Variants in FNTB observed in about 807,000 individuals in gnomAD.
FNTB encodes farnesyltransferase, CAAX box, subunit beta, also known as protein farnesyltransferase subunit beta.
In FNTB, 27 loss-of-function variants were observed where a neutral mutation model predicts 59.4. That is an observed-to-expected ratio of 0.45 (90% CI 0.34 to 0.63). The LOEUF (loss-of-function observed/expected upper bound fraction) is 0.63, where lower values mean the gene tolerates loss of function less well. FNTB is among the 20% of genes least tolerant of loss of function. The pLI is 0.02. For synonymous variants in FNTB, 230 were observed against 220.7 expected (o/e 1.04, Z -0.37); for missense variants, 449 against 559.6 (o/e 0.80, Z 1.99).
rs370401848 is a variant in FNTB, at chr14:65,032,748, C to T, written c.692+52C>T. The T allele has an allele frequency of 2.6e-6, 4 of 1,552,782 alleles. No homozygotes were observed. The highest frequency in any genetic ancestry group is 2.8e-5 in the African/African-American group (2 of 72,362). On this transcript the variant is annotated intron_variant, in intron 7 of 11. Coordinates refer to ENST00000246166, the MANE Select transcript of FNTB (RefSeq NM_002028.4). This position sits in a 1 kb window ranked among gnomAD's most constrained non-coding sequence, Gnocchi z 5.0. The stretch of plus-strand genomic sequence containing the variant: ...CCTCTTGGAGAGCAGGCGGTCACGA[C>T]ACTACTTCAGAAAAATAAAGAAAAT...
chr14:65,004,303 C>A lies in FNTB; in HGVS notation c.199C>A (p.Leu67Ile). The change falls in exon 2 of 12, where the codon CTT (leucine) becomes ATT (isoleucine). Residue 67 changes from leucine (L) to isoleucine (I), a missense_variant. Around this residue, in one of 2 missense-constraint regions of FNTB, gnomAD observed 112 missense variants for 80.5 expected, o/e 1.39. Coordinates refer to ENST00000246166, the MANE Select transcript of FNTB (RefSeq NM_002028.4). ...EVFSSYKFNHLVPRLVLQREK... is the reference protein window; with the variant it reads ...EVFSSYKFNHIVPRLVLQREK... Reference sequence around the variant, plus strand: ...CTTCAGTTCTTACAAGTTCAACCACCTTGTACCAAGGTAAGCTGTGGTTAG... The same window carrying A: ...CTTCAGTTCTTACAAGTTCAACCACATTGTACCAAGGTAAGCTGTGGTTAG... 6.2e-7 allele frequency: 1 copy of A among 1,613,012 alleles called. No homozygotes were observed. The highest frequency in any genetic ancestry group is 8.5e-7 in the Non-Finnish European group (1 of 1,179,420).
rs137873231 is a variant in FNTB at position 65,054,468 on chromosome 14, TG to T, written c.1068-99del. ...ATGCCTCCTCTAGCCACATGGAGGA[TG>T]GGGGGGGACGTGTGATTGCACCAGT... On this transcript the variant is annotated intron_variant, in intron 10 of 11. Transcript: ENST00000246166. This position sits in a 1 kb window ranked among gnomAD's most constrained non-coding sequence, Gnocchi z 4.4. 0.057 allele frequency: 63,388 copies of T among 1,110,320 alleles called. 4,717 individuals carry two copies. The highest frequency in any genetic ancestry group is 0.34 in the African/African-American group (21,657 of 64,110). 68.8% of individuals were successfully genotyped at this position (1,110,320 alleles called of 1,614,324 possible).
At position 65,032,287 on chromosome 14, in the gene FNTB, A is replaced by C; in HGVS notation, c.606-323A>C. On this transcript the variant is annotated intron_variant, in intron 6 of 11. Transcript: ENST00000246166. The surrounding 1 kb of genome is among the most constrained non-coding windows in gnomAD (Gnocchi z 5.0). ...ATACCATAGATTTATGGCAACCATT[A>C]TAGGTCTTTGAAAGAAGAGCTGAAT... The C allele has an allele frequency of 4.5e-6, 1 of 221,514 alleles. No individual in the cohort carries two copies. The highest frequency in any genetic ancestry group is 8.8e-6 in the Non-Finnish European group (1 of 113,018). 13.7% of individuals were successfully genotyped at this position (221,514 alleles called of 1,614,324 possible). A position where few individuals can be genotyped will look rare whatever the true frequency, so the allele number is the denominator to read the frequency against.
At chr14:64,998,614 C>G (rs1249702205) in intron 1 of FNTB, among the ~76,000 whole-genome samples, 2 of 152,342 alleles carry the variant, frequency 1.3e-5, no homozygotes, top group Middle Eastern at 3.4e-3. Flanking sequence ...TGAGAACCCT[C>G]TCTTCATAGC....
chr14:64,987,155 C>A, intron 1 of FNTB, 58 bp downstream of exon 1: 4 of 1,598,330 alleles, frequency 2.5e-6, no homozygotes, highest in Non-Finnish European at 3.4e-6. Context: ...GCGCGAGTCC[C>A]GTTCGTAGGG....
rs2061549081 is a variant in FNTB at position 65,004,299 on chromosome 14, C to T, written c.195C>T (p.Asn65=). ...AGGTCTTCAGTTCTTACAAGTTCAA[C>T]CACCTTGTACCAAGGTAAGCTGTGG... ...IQEVFSSYKF[N]HLVPRLVLQR... is the part of the protein sequence containing the mutation. Residue 65 remains asparagine, a synonymous_variant, in exon 2 of 12, where the codon AAC becomes AAT. Transcript: ENST00000246166. 1 of 1,613,108 alleles carries T rather than the reference C, an allele frequency of 6.2e-7. No individual in the cohort carries two copies. Among genetic ancestry groups the T allele is most frequent in the Non-Finnish European group, 8.5e-7 (1 of 1,179,478 alleles).
At chr14:64,987,409 G>C (rs1358818835) in intron 1 of FNTB, 2 of 437,132 alleles carry the variant, frequency 4.6e-6, no homozygotes, top group South Asian at 2.4e-5. Flanking sequence ...CGTGCGGGTC[G>C]GACAGCCCAC....
chr14:65,041,284 AC>A (rs1223101014), intron 8 of FNTB, among the ~76,000 whole-genome samples: 4 of 152,302 alleles, frequency 2.6e-5, no homozygotes, highest in Non-Finnish European at 4.4e-5. Flanking sequence ...TCGAAACCAA[AC>A]TTTTATTACC....
chr14:65,032,528 C>T lies in FNTB; in HGVS notation c.606-82C>T, dbSNP rs920179789. 6 of 1,494,344 alleles carry T rather than the reference C, an allele frequency of 4.0e-6. No homozygotes were observed. The highest frequency in any genetic ancestry group is 5.4e-6 in the Non-Finnish European group (6 of 1,106,040). The allele number at this position is 1,494,344 out of a possible 1,614,324, so 92.6% of individuals were successfully genotyped here. ...GGTGATTACAGCTTACTAGGCAAGGCGAGCAGTCCGCCCGCGGAGTTCACT... is the reference window on the plus strand; with the variant it reads ...GGTGATTACAGCTTACTAGGCAAGGTGAGCAGTCCGCCCGCGGAGTTCACT... On this transcript the variant is annotated intron_variant, in intron 6 of 11. Transcript: ENST00000246166. This position sits in a 1 kb window ranked among gnomAD's most constrained non-coding sequence, Gnocchi z 5.0.
At chr14:65,040,726 G>A in intron 7 of FNTB, 64 bp from the exon 8 acceptor site, 1 of 1,529,318 alleles carries the variant, frequency 6.5e-7, no homozygotes, top group Non-Finnish European at 8.9e-7. Context: ...CACCTAGGAT[G>A]GTCCTGGTCT....
At position 65,027,456 on chromosome 14, in the gene FNTB, G is replaced by A; in HGVS notation, c.378G>A (p.Val126=). 1 of 1,614,210 alleles carries A rather than the reference G, an allele frequency of 6.2e-7. No individual in the cohort carries two copies. The highest frequency in any genetic ancestry group is 8.5e-7 in the Non-Finnish European group (1 of 1,180,038). Reference sequence around the variant, plus strand: ...TGCCCTTTGGCTGTGTACCTAGTGTGTGTCAGTTCCTGGAGCTGTGTCAGA... The same window carrying A: ...TGCCCTTTGGCTGTGTACCTAGTGTATGTCAGTTCCTGGAGCTGTGTCAGA... ...EPIPQIVATD[V]CQFLELCQSP... Residue 126 remains valine, a synonymous_variant, in exon 5 of 12, where the codon GTG becomes GTA. Transcript: ENST00000246166. The surrounding 1 kb of genome is among the most constrained non-coding windows in gnomAD (Gnocchi z 5.7).
rs917070966 is a variant in FNTB at position 64,991,438 on chromosome 14, C to G, written c.144+4341C>G. On this transcript the variant is annotated intron_variant, in intron 1 of 11. Coordinates refer to ENST00000246166, the MANE Select transcript of FNTB (RefSeq NM_002028.4). This position sits in a 1 kb window ranked among gnomAD's most constrained non-coding sequence, Gnocchi z 4.4. ...CCAACATGGTGAAACCTCATCTCTA[C>G]TAAAAAAATACAAAAATTAGCTAGG... Among the ~76,000 whole-genome samples the G allele has an allele frequency of 6.6e-6, 1 of 151,960 alleles. No individual in the cohort carries two copies. Among genetic ancestry groups the G allele is most frequent in the Non-Finnish European group, 1.5e-5 (1 of 67,988 alleles).
In FNTB at chr14:65,040,259, G is replaced by GTGTGTATA. The variant is rs1566565279; in HGVS notation, c.693-530_693-529insGTGTATAT. ...TTGATGGTTATCACTATATATATAT[G>GTGTGTATA]TATATATATGTATATATATGTGTGT... On this transcript the variant is annotated intron_variant, in intron 7 of 11. Coordinates refer to ENST00000246166, the MANE Select transcript of FNTB (RefSeq NM_002028.4). 2.1e-5 allele frequency among the ~76,000 whole-genome samples: 3 copies of GTGTGTATA among 144,988 alleles called. No homozygotes were observed. In the East Asian group the frequency reaches 7.4e-4, roughly 36 times the overall value.
chr14:65,041,998 A>T (rs572802658), intron 8 of FNTB, among the ~76,000 whole-genome samples: 1 of 152,230 alleles, frequency 6.6e-6, no homozygotes, highest in African/African-American at 2.4e-5. Context: ...TTTTAGCTTG[A>T]TATTTTTTTC....
rs918217896 is a variant in FNTB, at chr14:65,007,343, A to G, written c.209+3030A>G. Among the ~76,000 whole-genome samples, 1 of 152,222 alleles carries G rather than the reference A, an allele frequency of 6.6e-6. No homozygotes were observed. The highest frequency in any genetic ancestry group is 1.5e-5 in the Non-Finnish European group (1 of 68,034). On this transcript the variant is annotated intron_variant, in intron 2 of 11. Transcript: ENST00000246166. This position sits in a 1 kb window ranked among gnomAD's most constrained non-coding sequence, Gnocchi z 4.9. ...GTGCATGGTTAGCTGTTAGCAGTAA[A>G]TCTAGATGGCAGGGCTTGTTTGTGT...
chr14:65,003,317 C>T (rs1358093463), intron 1 of FNTB: 1 of 152,138 alleles, frequency 6.6e-6, no homozygotes, highest in Non-Finnish European at 1.5e-5. Flanking sequence ...CAATAAGAAG[C>T]ATGACTGTAG....
chr14:64,996,127 A>C (rs1159332381), intron 1 of FNTB, among the ~76,000 whole-genome samples: 1 of 146,366 alleles, frequency 6.8e-6, no homozygotes, highest in African/African-American at 2.6e-5. Context: ...CTGTCTCAAA[A>C]AAAAAAAAAA....
intron 9 of FNTB, among the ~76,000 whole-genome samples, chr14:65,046,339 G>T (rs1028508741): frequency 6.6e-6 from 1 of 152,190 alleles, no homozygotes; most frequent in South Asian, 2.1e-4. Context: ...AACTGGTGAG[G>T]TCAAGCCCCT....
At position 65,027,417 on chromosome 14, in the gene FNTB, T is replaced by A; in HGVS notation, c.375-36T>A. The A allele has an allele frequency of 1.2e-6, 2 of 1,611,476 alleles. No individual in the cohort carries two copies. The highest frequency in any genetic ancestry group is 1.7e-6 in the Non-Finnish European group (2 of 1,178,530). ...ATTTGGTGTTTTGACATGAATGCTC[T>A]CTGACTTTGTTTTTGCCCTTTGGCT... is the stretch of plus-strand genomic sequence containing the variant. On this transcript the variant is annotated intron_variant, in intron 4 of 11. Transcript: ENST00000246166. This position sits in a 1 kb window ranked among gnomAD's most constrained non-coding sequence, Gnocchi z 5.7.
Sources: allele counts gnomAD v4.1 joint callset (sites outside exome capture counted in the v4.1 genomes callset), GRCh38; gene constraint gnomAD v4.1.1; regional missense constraint gnomAD v4.1.1; non-coding constraint Gnocchi (gnomAD v3.1); transcripts MANE v1.5; gene names NCBI Gene and HGNC (gene_info 2026-07-23, HGNC 2026-07-21).